DROSHA: variants seen among roughly 807,000 people sequenced by gnomAD.
DROSHA encodes ribonuclease 3.
In DROSHA, 56 loss-of-function variants were observed where a neutral mutation model predicts 181.9. That is an observed-to-expected ratio of 0.31 (90% CI 0.25 to 0.38). DROSHA has a LOEUF of 0.38. DROSHA is among the 10% of genes least tolerant of loss of function. The pLI, the probability that DROSHA is intolerant of heterozygous loss-of-function variation, is 1.00. For synonymous variants in DROSHA, 524 were observed against 591.2 expected (o/e 0.89, Z 1.65); for missense variants, 1,218 against 1,743.5 (o/e 0.70, Z 5.37).
At chr5:31,497,408 G>A (rs563126827) in intron 11 of DROSHA, among the ~76,000 whole-genome samples, 5 of 152,294 alleles carry the variant, frequency 3.3e-5, no homozygotes, top group Admixed American at 2.6e-4. Context: ...CACGCCAGCC[G>A]GCAGTCAACT....
At chr5:31,494,959 C>A (rs1037626280) in intron 12 of DROSHA, among the ~76,000 whole-genome samples, 1 of 152,160 alleles carries the variant, frequency 6.6e-6, no homozygotes, top group Non-Finnish European at 1.5e-5. Flanking sequence ...CAGGCGTGAG[C>A]CACCGCGCCC....
intron 23 of DROSHA, among the ~76,000 whole-genome samples, chr5:31,440,859 A>C (rs1745503434): frequency 1.3e-5 from 2 of 152,180 alleles, no homozygotes; most frequent in South Asian, 4.1e-4. Flanking sequence ...TTTCAAGGCC[A>C]TCTTATATAT....
chr5:31,433,587 C>T (rs1744440328), intron 25 of DROSHA, among the ~76,000 whole-genome samples: 1 of 152,236 alleles, frequency 6.6e-6, no homozygotes, highest in Non-Finnish European at 1.5e-5. Flanking sequence ...CTCTGTTGCC[C>T]AGGCTGGAGT....
At chr5:31,478,955 GAC>G (rs1750712352) in intron 16 of DROSHA, among the ~76,000 whole-genome samples, 1 of 152,142 alleles carries the variant, frequency 6.6e-6, no homozygotes, top group Admixed American at 6.5e-5. Flanking sequence ...CAACAGGATA[GAC>G]ACAGACTATT....
At chr5:31,423,093 T>A in intron 28 of DROSHA, 149 bp from the exon 29 acceptor site, 1 of 669,934 alleles carries the variant, frequency 1.5e-6, no homozygotes, top group Middle Eastern at 4.4e-4. Context: ...TCGTTTCTCA[T>A]TTCTTTGAAT....
At chr5:31,428,635 T>C (rs572662604) in intron 27 of DROSHA, among the ~76,000 whole-genome samples, 39 of 152,348 alleles carry the variant, frequency 2.6e-4, no homozygotes, top group Middle Eastern at 3.4e-3. Flanking sequence ...TCCAAAACTA[T>C]TGATCCTTTT....
chr5:31,447,348 A>G (rs1746433047), intron 23 of DROSHA, among the ~76,000 whole-genome samples: 2 of 152,218 alleles, frequency 1.3e-5, no homozygotes, highest in African/African-American at 2.4e-5. Flanking sequence ...AAGTTTACCT[A>G]TGTAACAAAC....
chr5:31,479,938 C>A (rs1479606300), intron 16 of DROSHA, among the ~76,000 whole-genome samples: 3 of 151,774 alleles, frequency 2.0e-5, no homozygotes, highest in African/African-American at 4.8e-5. Context: ...TTTACCTTCT[C>A]ATTAACAGTG....
intron 5 of DROSHA, among the ~76,000 whole-genome samples, chr5:31,522,323 G>C (rs180990762): frequency 1.4e-4 from 22 of 152,148 alleles, no homozygotes; most frequent in Non-Finnish European, 2.1e-4. Flanking sequence ...GTAAATCTTA[G>C]TTATTGTATA....
intron 16 of DROSHA, among the ~76,000 whole-genome samples, chr5:31,474,251 G>C (rs1679266362): frequency 6.6e-6 from 1 of 152,040 alleles, no homozygotes; most frequent in African/African-American, 2.4e-5. Flanking sequence ...TTTTTTTTAT[G>C]CCTCATTACA....
intron 4 of DROSHA, among the ~76,000 whole-genome samples, chr5:31,528,521 T>TGCTGTCACTTATATGGCA (rs1740859301): frequency 1.3e-5 from 2 of 152,184 alleles, no homozygotes. Flanking sequence ...ACTTTAAAAT[T>TGCTGTCACTTATATGGCA]GCTGTCACTT....
intron 20 of DROSHA, among the ~76,000 whole-genome samples, chr5:31,460,899 T>C (rs1025508192): frequency 2.6e-5 from 4 of 151,926 alleles, no homozygotes; most frequent in African/African-American, 4.8e-5. Flanking sequence ...CCAATTCTAC[T>C]GGCAAAAAAC....
chr5:31,427,922 C>T (rs1356288525), intron 27 of DROSHA, among the ~76,000 whole-genome samples: 2 of 152,112 alleles, frequency 1.3e-5, no homozygotes, highest in African/African-American at 4.8e-5. Flanking sequence ...AGAGGAAAAC[C>T]CATACATTGT....
chr5:31,489,587 A>T (rs1056547363), intron 13 of DROSHA, among the ~76,000 whole-genome samples: 1 of 152,230 alleles, frequency 6.6e-6, no homozygotes, highest in Non-Finnish European at 1.5e-5. Flanking sequence ...AACAAATGCC[A>T]TCAAATAATA....
intron 13 of DROSHA, among the ~76,000 whole-genome samples, chr5:31,489,874 T>A (rs1752185388): frequency 6.6e-6 from 1 of 150,500 alleles, no homozygotes; most frequent in African/African-American, 2.5e-5. Flanking sequence ...ATACCTTACA[T>A]TTTTTTTCTT....
rs921425098 is a variant in DROSHA at position 31,514,477 on chromosome 5, C to T, written c.1290+511G>A. Among the ~76,000 whole-genome samples the T allele has an allele frequency of 6.6e-6, 1 of 151,702 alleles. No individual in the cohort carries two copies. The highest frequency in any genetic ancestry group is 1.9e-4 in the East Asian group (1 of 5,154). On this transcript the variant is annotated intron_variant, in intron 8 of 35. Transcript: ENST00000344624. The surrounding 1 kb of genome is among the most constrained non-coding windows in gnomAD (Gnocchi z 4.4). ...GCAACATAGTATGACCTCATCTCTA[C>T]TAAAAAATAAAAAAAAATTAGCCAG...
chr5:31,506,125 C>T (rs1737908280), intron 10 of DROSHA, among the ~76,000 whole-genome samples: 1 of 152,212 alleles, frequency 6.6e-6, no homozygotes, highest in African/African-American at 2.4e-5. Context: ...CTTTGGGATG[C>T]TGAGGCGGAC....
chr5:31,467,847 A>G, intron 18 of DROSHA, 92 bp downstream of exon 18: 1 of 1,469,940 alleles, frequency 6.8e-7, no homozygotes, highest in Non-Finnish European at 9.1e-7. Context: ...TAATTTTTAA[A>G]AAGGAAACAT....
intron 14 of DROSHA, among the ~76,000 whole-genome samples, chr5:31,485,697 C>CT (rs1751659129): frequency 6.8e-6 from 1 of 146,284 alleles, no homozygotes; most frequent in African/African-American, 2.5e-5. Context: ...TTCTTTAATT[C>CT]TTTTTGAAAG....
Sources: allele counts gnomAD v4.1 joint callset (sites outside exome capture counted in the v4.1 genomes callset), GRCh38; gene constraint gnomAD v4.1.1; non-coding constraint Gnocchi (gnomAD v3.1); transcripts MANE v1.5; gene names NCBI Gene and HGNC (gene_info 2026-07-23, HGNC 2026-07-21).